Variants in NEXMIF observed in about 807,000 individuals in gnomAD.
The protein encoded by NEXMIF is neurite extension and migration factor.
NEXMIF carries 8 observed loss-of-function variants against 62.1 expected under a neutral mutation model. The observed-to-expected ratio is 0.13, with a 90% CI of 0.08 to 0.23. NEXMIF has a LOEUF of 0.23. Ranked by LOEUF, NEXMIF falls within the 10% of genes least tolerant of loss-of-function variation. The pLI is 1.00. For missense variants in NEXMIF, 976 were observed against 1,113.3 expected, an observed-to-expected ratio of 0.88 and a Z score of 1.75; for synonymous variants, 404 against 416.6, an observed-to-expected ratio of 0.97 and a Z score of 0.37.
intron 1 of NEXMIF, among the ~76,000 whole-genome samples, chrX:74,767,574 A>G (rs576247417): frequency 6.3e-5 from 7 of 110,424 alleles, no homozygotes; most frequent in African/African-American, 2.3e-4. Flanking sequence ...TAGTCAGTCA[A>G]CTGGAACAGC....
At chrX:74,920,050 A>T (rs2080821356) in intron 1 of NEXMIF, among the ~76,000 whole-genome samples, 1 of 111,554 alleles carries the variant, frequency 9.0e-6, no homozygotes, top group Admixed American at 9.5e-5. Flanking sequence ...GTTGGTTCCA[A>T]GTCTTTGCTA....
intron 1 of NEXMIF, among the ~76,000 whole-genome samples, chrX:74,915,249 C>A (rs1212223451): frequency 9.0e-6 from 1 of 111,126 alleles, no homozygotes; most frequent in Non-Finnish European, 1.9e-5. Context: ...TCAGCCTGGG[C>A]AACACAGTAA....
At chrX:74,784,492 T>G (rs771910175) in intron 1 of NEXMIF, among the ~76,000 whole-genome samples, 16 of 111,065 alleles carry the variant, frequency 1.4e-4, no homozygotes, top group Non-Finnish European at 2.8e-4. Flanking sequence ...TCTTAGATAC[T>G]TCCATTCTTA....
intron 1 of NEXMIF, among the ~76,000 whole-genome samples, chrX:74,880,311 C>G (rs2080657761): frequency 9.0e-6 from 1 of 111,566 alleles, no homozygotes; most frequent in African/African-American, 3.3e-5. Context: ...CTGAACCACC[C>G]TCTTTCACCA....
At chrX:74,921,190 G>A (rs942375640) in intron 1 of NEXMIF, among the ~76,000 whole-genome samples, 5 of 111,104 alleles carry the variant, frequency 4.5e-5, no homozygotes, top group South Asian at 3.8e-4. Flanking sequence ...AAATGAGCAC[G>A]TTCCCTAGCA....
At chrX:74,843,255 G>T (rs377080429) in intron 1 of NEXMIF, among the ~76,000 whole-genome samples, 1 of 111,166 alleles carries the variant, frequency 9.0e-6, no homozygotes, top group Non-Finnish European at 1.9e-5. Context: ...ATCTTTCTTC[G>T]TTTGAAATCT....
intron 1 of NEXMIF, among the ~76,000 whole-genome samples, chrX:74,747,049 A>G (rs763711889): frequency 7.1e-5 from 8 of 112,031 alleles, no homozygotes; most frequent in African/African-American, 2.6e-4. Context: ...CAGATTGGAT[A>G]GCTGCCTCTG....
chrX:74,920,951 A>C (rs1041620223), intron 1 of NEXMIF, among the ~76,000 whole-genome samples: 2 of 111,545 alleles, frequency 1.8e-5, no homozygotes, highest in Non-Finnish European at 3.8e-5. Flanking sequence ...AGAAGCTGAA[A>C]ATTTTTTTAA....
At chrX:74,771,145 A>G (rs964548556) in intron 1 of NEXMIF, among the ~76,000 whole-genome samples, 1 of 111,768 alleles carries the variant, frequency 8.9e-6, no homozygotes, top group African/African-American at 3.2e-5. Flanking sequence ...AGTTGATTTC[A>G]TAAATTTATT....
In NEXMIF at chrX:74,815,703, C is replaced by T. The variant is rs768036962; in HGVS notation, c.-47-70006G>A. On this transcript the variant is annotated intron_variant, in intron 1 of 3. Transcript: ENST00000055682. ...AGGCTGGAGTGCAGTGGCGCGATCTCGGCTCACTGCAAGCTCCGCCTCCCG... is the reference window on the plus strand; with the variant it reads ...AGGCTGGAGTGCAGTGGCGCGATCTTGGCTCACTGCAAGCTCCGCCTCCCG... Among the ~76,000 whole-genome samples the T allele has an allele frequency of 4.9e-3, 519 of 105,294 alleles. 3 individuals are homozygous for T. The highest frequency in any genetic ancestry group is 0.017 in the African/African-American group (498 of 28,546). 91.4% of individuals were successfully genotyped at this position (105,294 alleles called of 115,157 possible).
At chrX:74,793,405 A>T (rs1324376135) in intron 1 of NEXMIF, among the ~76,000 whole-genome samples, 1 of 108,206 alleles carries the variant, frequency 9.2e-6, no homozygotes, top group South Asian at 4.2e-4. Flanking sequence ...GGCTGCCCTT[A>T]ACATTTTTTC....
chrX:74,740,868 G>A lies in NEXMIF; in HGVS notation c.3689C>T (p.Ala1230Val). The A allele has an allele frequency of 8.2e-7, 1 of 1,212,136 alleles. No individual in the cohort carries two copies. The highest frequency in any genetic ancestry group is 1.1e-6 in the Non-Finnish European group (1 of 895,512). ...TTGCATTTTCTCTCCATTGATGGCA[G>A]CCATGTATTTCCCTTTCTTTGTGGA... ...PKSTKKGKYMAAINGEKMQIG... is the reference protein window; with the variant it reads ...PKSTKKGKYMVAINGEKMQIG... The change falls in exon 3 of 4, where the codon GCT becomes GTT. Residue 1230 changes from alanine (A) to valine (V), a missense_variant. Physicochemically the swap from Ala to Val is moderately conservative, Grantham distance 64. Transcript: ENST00000055682.
At chrX:74,774,809 A>T (rs988756194) in intron 1 of NEXMIF, among the ~76,000 whole-genome samples, 1 of 111,757 alleles carries the variant, frequency 8.9e-6, no homozygotes, top group South Asian at 3.8e-4. Flanking sequence ...TAAGATGATG[A>T]GTCAAAGGAT....
chrX:74,858,657 T>G (rs761001593), intron 1 of NEXMIF, among the ~76,000 whole-genome samples: 34 of 111,078 alleles, frequency 3.1e-4, no homozygotes, highest in Non-Finnish European at 5.1e-4. Flanking sequence ...AGGAGAAACA[T>G]GAAATTACCA....
At chrX:74,909,565 A>C (rs757385736) in intron 1 of NEXMIF, among the ~76,000 whole-genome samples, 2 of 112,160 alleles carry the variant, frequency 1.8e-5, no homozygotes, top group East Asian at 5.6e-4. Flanking sequence ...GATGCAGTAA[A>C]AAAGAAAAAC....
chrX:74,883,776 A>G (rs759473949), intron 1 of NEXMIF, among the ~76,000 whole-genome samples: 4 of 111,484 alleles, frequency 3.6e-5, no homozygotes, highest in African/African-American at 1.3e-4. Flanking sequence ...CCAACATTCA[A>G]ATACAGGAAA....
chrX:74,793,019 T>A (rs1447599346), intron 1 of NEXMIF, among the ~76,000 whole-genome samples: 1 of 109,105 alleles, frequency 9.2e-6, no homozygotes, highest in Non-Finnish European at 1.9e-5. Flanking sequence ...CCTGTCATTA[T>A]GATGTTAGCT....
intron 1 of NEXMIF, among the ~76,000 whole-genome samples, chrX:74,853,701 T>C (rs1045791058): frequency 1.8e-4 from 20 of 110,282 alleles, no homozygotes; most frequent in African/African-American, 6.3e-4. Context: ...CTAGTTAAGC[T>C]AACCAAAAAA....
Position 74,751,664 on chromosome X carries a change from T to TC in NEXMIF, c.-47-5968dup, listed in dbSNP as rs1343637740. ...TCCTTCCTTCCTTCCTTCCTTTCCT[T>TC]CCTTCCTTCCCTCCCTCCCTCCCTC... On this transcript the variant is annotated intron_variant, in intron 1 of 3. Coordinates refer to ENST00000055682, the MANE Select transcript of NEXMIF (RefSeq NM_001008537.3). Among the ~76,000 whole-genome samples, 3 of 89,980 alleles carry TC rather than the reference T, an allele frequency of 3.3e-5. No homozygotes were observed. The South Asian group carries it at 2.4e-3, about 73-fold the overall frequency. 78.1% of individuals were successfully genotyped at this position (89,980 alleles called of 115,157 possible). A position where few individuals can be genotyped will look rare whatever the true frequency, so the allele number is the denominator to read the frequency against.
Sources: gnomAD v4.1 joint callset for allele counts (sites outside exome capture counted in the v4.1 genomes callset) on GRCh38, gnomAD v4.1.1 for gene constraint, MANE v1.5 for transcripts, NCBI Gene and HGNC (gene_info 2026-07-23, HGNC 2026-07-21) for gene names.